SEMA4D: variants seen among roughly 807,000 people sequenced by gnomAD.
The protein encoded by SEMA4D is semaphorin 4D, also known as semaphorin-4D.
Under a neutral mutation model 74.8 loss-of-function variants are expected in SEMA4D, and 22 were observed. The observed-to-expected ratio is 0.29, with a 90% CI of 0.21 to 0.42. The LOEUF is 0.42. Among genes scored for constraint, SEMA4D ranks in the 10% least tolerant of loss-of-function variants. SEMA4D has a pLI of 1.00. For synonymous variants in SEMA4D, 445 were observed against 463.7 expected, an observed-to-expected ratio of 0.96 and a Z score of 0.52; for missense variants, 937 against 1,118.4, an observed-to-expected ratio of 0.84 and a Z score of 2.31.
At chr9:89,373,977 C>T (rs765468283), downstream of SEMA4D, among the ~76,000 whole-genome samples, 29 of 152,238 alleles carry the variant, frequency 1.9e-4, no homozygotes, top group East Asian at 5.8e-4. Context: ...TCTGAGTTCA[C>T]GGCATGCCCA....
intron 13 of SEMA4D, chr9:89,385,660 G>A: frequency 1.3e-6 from 1 of 755,026 alleles, no homozygotes; most frequent in Non-Finnish European, 1.6e-6. Context: ...GGGGAGGGAA[G>A]AGGACAGAAG....
chr9:89,450,734 G>C (rs11265900), intron 2 of SEMA4D: 1 of 1,320,950 alleles, frequency 7.6e-7, no homozygotes, highest in East Asian at 2.4e-5. Context: ...AACATTAGAA[G>C]AAAATGAAGC....
At chr9:89,389,258 G>A (rs1933634003) in intron 9 of SEMA4D, among the ~76,000 whole-genome samples, 1 of 152,212 alleles carries the variant, frequency 6.6e-6, no homozygotes, top group African/African-American at 2.4e-5. Context: ...ACGCTCCTGG[G>A]TTAACACACA....
At chr9:89,494,210 C>T (rs1049314711) in intron 1 of SEMA4D, among the ~76,000 whole-genome samples, 1 of 152,146 alleles carries the variant, frequency 6.6e-6, no homozygotes, top group African/African-American at 2.4e-5. Context: ...TTTTGATATT[C>T]CAAAAATAAT....
intron 2 of SEMA4D, chr9:89,450,665 A>C: frequency 4.9e-5 from 6 of 121,850 alleles, no homozygotes; most frequent in Admixed American, 1.5e-4. Context: ...CCCAGGAAAA[A>C]AAAAAAAAAA....
At chr9:89,402,807 G>C (rs1011909618) in intron 4 of SEMA4D, 64 bp downstream of exon 4, 51 of 1,555,298 alleles carry the variant, frequency 3.3e-5, no homozygotes, top group Non-Finnish European at 4.4e-5. Context: ...CCCCACAGTG[G>C]GGCCAGGAGA....
intron 5 of SEMA4D, 87 bp downstream of exon 5, chr9:89,399,189 G>C: frequency 8.8e-7 from 1 of 1,141,942 alleles, no homozygotes; most frequent in Middle Eastern, 1.9e-4. Flanking sequence ...AGGCTGGCCT[G>C]CACTGCAGGC....
chr9:89,439,745 T>G (rs1851279462), intron 2 of SEMA4D, among the ~76,000 whole-genome samples: 1 of 152,052 alleles, frequency 6.6e-6, no homozygotes, highest in Non-Finnish European at 1.5e-5. Flanking sequence ...TCAATCTGAT[T>G]TACAAAAAAA....
In SEMA4D at chr9:89,446,044, G is replaced by A. The variant is rs150651206; in HGVS notation, c.-244+9844C>T. ...GCAGGTCTGTCCATCCTGCTTCCCA[G>A]GCAACAGCTTTCCTTAGTCTACCGA... On this transcript the variant is annotated intron_variant, in intron 2 of 15. Coordinates refer to ENST00000422704, the MANE Select transcript of SEMA4D (RefSeq NM_001371194.2). 6.8e-4 allele frequency among the ~76,000 whole-genome samples: 104 copies of A among 152,222 alleles called. No individual in the cohort carries two copies. In the East Asian group the frequency reaches 0.019, roughly 28 times the overall value.
In SEMA4D at chr9:89,405,639, C is replaced by T. The variant is rs143801735; in HGVS notation, c.-183G>A. On this transcript the variant is annotated 5_prime_UTR_variant, in exon 3 of 16. Coordinates refer to ENST00000422704, the MANE Select transcript of SEMA4D (RefSeq NM_001371194.2). ...CCCAGTTCTCCAGGTGAGGAGGGGT[C>T]GCTCTCACCACCGCAATGTCAAAGC... 7.4e-5 allele frequency: 106 copies of T among 1,430,412 alleles called. No homozygotes were observed. The highest frequency in any genetic ancestry group is 4.2e-4 in the African/African-American group (29 of 69,722). 88.6% of individuals were successfully genotyped at this position (1,430,412 alleles called of 1,614,324 possible).
chr9:89,385,285 C>G, intron 13 of SEMA4D: 1 of 985,428 alleles, frequency 1.0e-6, no homozygotes, highest in Non-Finnish European at 1.2e-6. Context: ...AATGTCCACA[C>G]CAGGGGCCCA....
chr9:89,461,121 T>A lies in SEMA4D; in HGVS notation c.-309-5168A>T, dbSNP rs551001914. ...ACACGAAAGAAAATGTGCATCTCAC[T>A]GGAGGTCAGAAAAATGCAGATTAAA... On this transcript the variant is annotated intron_variant, in intron 1 of 15. Coordinates refer to ENST00000422704, the MANE Select transcript of SEMA4D (RefSeq NM_001371194.2). Among the ~76,000 whole-genome samples the A allele has an allele frequency of 4.8e-3, 723 of 152,122 alleles. 4 individuals carry two copies. The highest frequency in any genetic ancestry group is 0.017 in the African/African-American group (691 of 41,486).
chr9:89,379,060 CAAA>C lies in SEMA4D; in HGVS notation c.2230_2232del (p.Phe744del). 6.2e-7 allele frequency: 1 copy of C among 1,613,130 alleles called. No homozygotes were observed. The highest frequency in any genetic ancestry group is 8.5e-7 in the Non-Finnish European group (1 of 1,179,476). ...TAGAAAAAGAGGCAGAGGAAGAGAA[CAAA>C]GAAGAAGAGGAAGAGGGACATGAGG... On this transcript the variant is annotated inframe_deletion, in exon 16 of 16. Coordinates refer to ENST00000422704, the MANE Select transcript of SEMA4D (RefSeq NM_001371194.2).
At chr9:89,488,830 T>C (rs1457039378) in intron 1 of SEMA4D, among the ~76,000 whole-genome samples, 1 of 152,174 alleles carries the variant, frequency 6.6e-6, no homozygotes, top group Non-Finnish European at 1.5e-5. Flanking sequence ...AGTCTGCCCA[T>C]TGAAAGATAT....
rs148210520 is a variant in SEMA4D, at chr9:89,362,406, A to G, written c.2213T>C (p.Leu738Pro). The change falls in exon 19 of 19, where the codon CTG becomes CCG. Residue 738 changes from leucine to proline, a missense_variant. Transcript: ENST00000339861. Reference sequence around the variant, plus strand: ...TCAGGGACTCCTTCCTGGTGGCTACAGGGTGTCCTTGCTACAGCTTTCCTG... The same window carrying G: ...TCAGGGACTCCTTCCTGGTGGCTACGGGGTGTCCTTGCTACAGCTTTCCTG... 1,258 of 1,613,940 alleles carry G rather than the reference A, an allele frequency of 7.8e-4. 14 individuals carry two copies. Among genetic ancestry groups the G allele is most frequent in the Admixed American group, 5.0e-4 (30 of 60,002 alleles).
At chr9:89,376,935 G>A (rs775613168), downstream of SEMA4D, 268 of 1,550,818 alleles carry the variant, frequency 1.7e-4, no homozygotes, top group South Asian at 1.0e-3. Context: ...CTGCTGTCGG[G>A]CCCCGCACCC....
At chr9:89,395,951 T>C (rs916870278) in intron 6 of SEMA4D, among the ~76,000 whole-genome samples, 1 of 152,182 alleles carries the variant, frequency 6.6e-6, no homozygotes, top group Non-Finnish European at 1.5e-5. Flanking sequence ...GTAGAAAATG[T>C]GCTTCATTTT....
intron 1 of SEMA4D, among the ~76,000 whole-genome samples, chr9:89,468,955 T>C (rs1285293993): frequency 6.6e-6 from 1 of 152,174 alleles, no homozygotes; most frequent in Non-Finnish European, 1.5e-5. Context: ...TCCAAGGGAA[T>C]CCAGCCCCAT....
At chr9:89,390,540 A>C (rs1366628694) in intron 9 of SEMA4D, among the ~76,000 whole-genome samples, 1 of 152,232 alleles carries the variant, frequency 6.6e-6, no homozygotes, top group Non-Finnish European at 1.5e-5. Context: ...CGCCATAGGC[A>C]TGAAAGGAAC....
Sources: gnomAD v4.1 joint callset for allele counts (sites outside exome capture counted in the v4.1 genomes callset) on GRCh38, gnomAD v4.1.1 for gene constraint, MANE v1.5 for transcripts, NCBI Gene and HGNC (gene_info 2026-07-23, HGNC 2026-07-21) for gene names.